Variants in SRD5A2 observed in about 807,000 individuals in gnomAD.
SRD5A2 encodes the protein 3-oxo-5-alpha-steroid 4-dehydrogenase 2.
SRD5A2 carries 30 observed loss-of-function variants against 27.4 expected under a neutral mutation model. That is an observed-to-expected ratio of 1.10 (90% CI 0.82 to 1.49). The LOEUF is 1.49. Among genes scored for constraint, SRD5A2 ranks in the 40% most tolerant of loss-of-function variants. The pLI is 0.00. For synonymous variants in SRD5A2, 141 were observed against 133.6 expected, an observed-to-expected ratio of 1.06 and a Z score of -0.38; for missense variants, 348 against 323.4, an observed-to-expected ratio of 1.08 and a Z score of -0.58.
Position 31,529,453 on chromosome 2 carries a change from G to A in SRD5A2, c.552C>T (p.Gly184=). The A allele has an allele frequency of 6.2e-7, 1 of 1,612,992 alleles. No homozygotes were observed. Among genetic ancestry groups the A allele is most frequent in the Non-Finnish European group, 8.5e-7 (1 of 1,179,474 alleles). ...GEISYRIPQG[G]LFTYVSGANF... is the part of the protein sequence containing the mutation. ...TGGCTCCAGAAACATACGTAAACAA[G>A]CCACCTGCGTGCAGAAGAATCGGAA... The change falls in exon 4 of 5, where the codon GGC becomes GGT. Residue 184 remains glycine, a synonymous_variant. Transcript: ENST00000622030.
chr2:31,635,250 CTT>C, the SRD5A2 span, among the ~76,000 whole-genome samples: 1 of 152,020 alleles, frequency 6.6e-6, no homozygotes, highest in African/African-American at 2.4e-5. Flanking sequence ...ACTGGGATGA[CTT>C]AACGTCACAT....
chr2:31,594,038 T>C, the SRD5A2 span, among the ~76,000 whole-genome samples: 2 of 152,088 alleles, frequency 1.3e-5, no homozygotes, highest in African/African-American at 2.4e-5. Context: ...AAAGAAATGC[T>C]AAAAGAAATT....
the SRD5A2 span, among the ~76,000 whole-genome samples, chr2:31,657,332 G>C: frequency 6.6e-6 from 1 of 152,172 alleles, no homozygotes; most frequent in African/African-American, 2.4e-5. Flanking sequence ...GTTTATATTT[G>C]AAAGGATTGT....
At chr2:31,529,844 G>A (rs1049031291) in intron 3 of SRD5A2, among the ~76,000 whole-genome samples, 5 of 152,046 alleles carry the variant, frequency 3.3e-5, no homozygotes, top group Admixed American at 2.0e-4. Context: ...ACACACACAC[G>A]TTCACATTCA....
the SRD5A2 span, among the ~76,000 whole-genome samples, chr2:31,658,114 C>T: frequency 6.6e-6 from 1 of 152,070 alleles, no homozygotes. Flanking sequence ...AATTAAACAA[C>T]CTGGTACTGA....
intron 1 of SRD5A2, among the ~76,000 whole-genome samples, chr2:31,544,395 A>G (rs1666201262): frequency 6.6e-6 from 1 of 152,020 alleles, no homozygotes; most frequent in Non-Finnish European, 1.5e-5. Flanking sequence ...ATCAATAACA[A>G]AAGTAAAACT....
chr2:31,612,547 G>T, the SRD5A2 span, among the ~76,000 whole-genome samples: 1 of 152,168 alleles, frequency 6.6e-6, no homozygotes, highest in Non-Finnish European at 1.5e-5. Flanking sequence ...TATAGTTCAT[G>T]TTCATGGATT....
the SRD5A2 span, among the ~76,000 whole-genome samples, chr2:31,605,667 A>G: frequency 6.6e-6 from 1 of 151,850 alleles, no homozygotes; most frequent in African/African-American, 2.4e-5. Flanking sequence ...AAGGATATGG[A>G]GAAAAGGGAA....
Position 31,580,783 on chromosome 2 carries a change from G to A in SRD5A2, c.118C>T (p.Leu40=), listed in dbSNP as rs1330116057. The A allele has an allele frequency of 6.2e-7, 1 of 1,611,962 alleles. No homozygotes were observed. The highest frequency in any genetic ancestry group is 1.7e-5 in the Admixed American group (1 of 60,000). ...PSGYGKHTES[L]KPAATRLPAR... ...GGCAGGCGGGTAGCCGCCGGCTTCA[G>A]GCTCTCCGTGTGCTTCCCGTAGCCG... Residue 40 remains leucine (L), a synonymous_variant, in exon 1 of 5, where the codon CTG becomes TTG. Coordinates refer to ENST00000622030, the MANE Select transcript of SRD5A2 (RefSeq NM_000348.4).
the SRD5A2 span, among the ~76,000 whole-genome samples, chr2:31,632,372 T>C: frequency 6.6e-6 from 1 of 152,280 alleles, no homozygotes; most frequent in African/African-American, 2.4e-5. Flanking sequence ...TTAAAAAAGA[T>C]TGTCCAAATA....
the SRD5A2 span, among the ~76,000 whole-genome samples, chr2:31,655,553 C>G: frequency 6.6e-6 from 1 of 152,160 alleles, no homozygotes; most frequent in Non-Finnish European, 1.5e-5. Context: ...ACAAATCTCA[C>G]CAATCAAAAC....
upstream of SRD5A2, among the ~76,000 whole-genome samples, chr2:31,582,188 T>A (rs1482504743): frequency 6.6e-6 from 1 of 152,176 alleles, no homozygotes; most frequent in African/African-American, 2.4e-5. Flanking sequence ...CTTCCCTTAC[T>A]TTGGAGGTCT....
intron 1 of SRD5A2, among the ~76,000 whole-genome samples, chr2:31,540,257 AAAAAG>A (rs1666103443): frequency 6.6e-6 from 1 of 152,160 alleles, no homozygotes; most frequent in African/African-American, 2.4e-5. Flanking sequence ...GGAAGCATAA[AAAAAG>A]AAAACACATA....
the SRD5A2 span, among the ~76,000 whole-genome samples, chr2:31,595,894 C>T: frequency 6.6e-6 from 1 of 152,076 alleles, no homozygotes; most frequent in South Asian, 2.1e-4. Flanking sequence ...GCAGGGTTGG[C>T]TTAATATATG....
At chr2:31,625,106 A>T in the SRD5A2 span, among the ~76,000 whole-genome samples, 11 of 152,132 alleles carry the variant, frequency 7.2e-5, no homozygotes, top group Non-Finnish European at 1.5e-4. Flanking sequence ...TTCTCTGATG[A>T]CCAGTGATGA....
At chr2:31,538,007 C>T (rs574782390) in intron 1 of SRD5A2, among the ~76,000 whole-genome samples, 66 of 152,270 alleles carry the variant, frequency 4.3e-4, no homozygotes, top group Middle Eastern at 3.4e-3. Context: ...TTGTAAATTA[C>T]CCAGTCTCAG....
intron 4 of SRD5A2, among the ~76,000 whole-genome samples, chr2:31,528,433 T>C (rs532652074): frequency 6.6e-6 from 1 of 152,154 alleles, no homozygotes; most frequent in Admixed American, 6.5e-5. Context: ...GTCACCAAGA[T>C]AGTACTTTTT....
the SRD5A2 span, among the ~76,000 whole-genome samples, chr2:31,613,060 G>T: frequency 1.3e-4 from 20 of 152,166 alleles, no homozygotes; most frequent in Non-Finnish European, 2.6e-4. Context: ...AAACTGTAAA[G>T]CTACTGAAAG....
the SRD5A2 span, among the ~76,000 whole-genome samples, chr2:31,635,810 CT>C: frequency 2.6e-5 from 4 of 151,858 alleles, no homozygotes; most frequent in African/African-American, 9.7e-5. Flanking sequence ...AAAGGATTTT[CT>C]TTTCCCATTG....
Sources: allele counts gnomAD v4.1 joint callset (sites outside exome capture counted in the v4.1 genomes callset), GRCh38; gene constraint gnomAD v4.1.1; transcripts MANE v1.5; gene names NCBI Gene and HGNC (gene_info 2026-07-23, HGNC 2026-07-21).